Variants in SLIT1 observed in about 807,000 individuals in gnomAD.
SLIT1 encodes slit guidance ligand 1.
A neutral mutation model predicts 186.1 loss-of-function variants in SLIT1; 66 were observed. The ratio of observed to expected loss-of-function variants is 0.35; its 90% CI spans 0.29 to 0.44. The LOEUF (loss-of-function observed/expected upper bound fraction) is 0.44, where lower values mean the gene tolerates loss of function less well. SLIT1 is among the 20% of genes least tolerant of loss of function. The pLI is 1.00. For synonymous variants in SLIT1, 761 were observed against 833.8 expected (o/e 0.91, Z 1.50); for missense variants, 1,638 against 2,037.4 (o/e 0.80, Z 3.77).
intron 1 of SLIT1, among the ~76,000 whole-genome samples, chr10:97,180,123 G>T (rs1392207055): frequency 6.6e-6 from 1 of 152,212 alleles, no homozygotes; most frequent in African/African-American, 2.4e-5. Context: ...CCCTCCCCTT[G>T]TGCTCCAGGG....
chr10:97,066,967 G>A (rs376661698), intron 4 of SLIT1, among the ~76,000 whole-genome samples: 5 of 152,158 alleles, frequency 3.3e-5, no homozygotes, highest in Admixed American at 6.5e-5. Context: ...TGGTGGGTGC[G>A]CCTGGGGCTT....
rs1849797744 is a variant in SLIT1 at position 97,144,584 on chromosome 10, C to A, written c.413+13234G>T. The stretch of plus-strand genomic sequence containing the variant: ...CAAGATGCAAAGGGGAGCTCTGTCC[C>A]CCACAGAGAAGACAGGCAGTGGAAC... On this transcript the variant is annotated intron_variant, in intron 4 of 36. Coordinates refer to ENST00000266058, the MANE Select transcript of SLIT1 (RefSeq NM_003061.3). Among the ~76,000 whole-genome samples, 2 of 152,272 alleles carry A rather than the reference C, an allele frequency of 1.3e-5. 1 individual carries two copies. The highest frequency in any genetic ancestry group is 4.2e-4 in the South Asian group (2 of 4,818).
At chr10:97,100,268 G>C (rs1306319495) in intron 4 of SLIT1, among the ~76,000 whole-genome samples, 1 of 152,174 alleles carries the variant, frequency 6.6e-6, no homozygotes, top group African/African-American at 2.4e-5. Context: ...CCGCAGGGAA[G>C]GCACAGCAGG....
At chr10:97,158,024 G>A (rs1388549203) in intron 3 of SLIT1, 135 bp from the exon 4 acceptor site, 2 of 704,020 alleles carry the variant, frequency 2.8e-6, no homozygotes, top group African/African-American at 3.5e-5. Flanking sequence ...GGCATCCCAG[G>A]GAAATTACCT....
intron 4 of SLIT1, among the ~76,000 whole-genome samples, chr10:97,082,494 G>A (rs1017391749): frequency 9.9e-5 from 15 of 152,088 alleles, no homozygotes; most frequent in Non-Finnish European, 1.5e-4. Flanking sequence ...GAGTGCAGTG[G>A]CATGATCTCG....
In SLIT1 at chr10:97,006,005, A is replaced by G. The variant is rs1218596997; in HGVS notation, c.3579+478T>C. 6.6e-6 allele frequency among the ~76,000 whole-genome samples: 1 copy of G among 152,226 alleles called. No homozygotes were observed. The highest frequency in any genetic ancestry group is 1.5e-5 in the Non-Finnish European group (1 of 68,042). ...TTGATATATTTCATCAATGCTGCTGAAGTGGGAATTGCTTTATTTTCCCCT... is the reference window on the plus strand; with the variant it reads ...TTGATATATTTCATCAATGCTGCTGGAGTGGGAATTGCTTTATTTTCCCCT... On this transcript the variant is annotated intron_variant, in intron 32 of 36. Coordinates refer to ENST00000266058, the MANE Select transcript of SLIT1 (RefSeq NM_003061.3). This position sits in a 1 kb window ranked among gnomAD's most constrained non-coding sequence, Gnocchi z 4.0.
At chr10:97,057,334 A>T in intron 11 of SLIT1, 53 bp from the exon 12 acceptor site, 1 of 1,493,180 alleles carries the variant, frequency 6.7e-7, no homozygotes, top group Non-Finnish European at 9.3e-7. Flanking sequence ...CCAGGGCAAT[A>T]GCACAACTCT....
At chr10:97,141,676 C>CATTGCATTGTATT (rs1849760565) in intron 4 of SLIT1, among the ~76,000 whole-genome samples, 2 of 140,240 alleles carry the variant, frequency 1.4e-5, no homozygotes, top group African/African-American at 5.9e-5. Flanking sequence ...TGCATTGTAT[C>CATTGCATTGTATT]GTATTGTATC....
At chr10:97,137,655 G>T (rs1268151624) in intron 4 of SLIT1, among the ~76,000 whole-genome samples, 1 of 151,734 alleles carries the variant, frequency 6.6e-6, no homozygotes, top group East Asian at 1.9e-4. Flanking sequence ...CATAATCTCG[G>T]CTCACTGCAG....
At chr10:97,141,730 C>T (rs201293262) in intron 4 of SLIT1, among the ~76,000 whole-genome samples, 427 of 124,336 alleles carry the variant, frequency 3.4e-3, no homozygotes, top group Admixed American at 6.1e-3. Context: ...TTGTATTGTA[C>T]TGTATTGTAT....
At chr10:97,061,571 T>C (rs575851164) in intron 8 of SLIT1, among the ~76,000 whole-genome samples, 1 of 152,336 alleles carries the variant, frequency 6.6e-6, no homozygotes, top group East Asian at 1.9e-4. Context: ...GTGTCTGGCT[T>C]TTTTGCTTAA....
chr10:97,028,116 C>T (rs1848562049), intron 25 of SLIT1, among the ~76,000 whole-genome samples: 1 of 152,116 alleles, frequency 6.6e-6, no homozygotes, highest in South Asian at 2.1e-4. Context: ...CTTCAGAGTT[C>T]CTAAAGACAT....
chr10:97,141,766 TGTATC>T (rs1195498065), intron 4 of SLIT1, among the ~76,000 whole-genome samples: 47 of 148,518 alleles, frequency 3.2e-4, no homozygotes, highest in African/African-American at 9.6e-4. Context: ...CGTATCGTAT[TGTATC>T]GTACTGTATT....
intron 4 of SLIT1, among the ~76,000 whole-genome samples, chr10:97,140,063 G>A (rs988259481): frequency 6.6e-6 from 1 of 152,138 alleles, no homozygotes; most frequent in African/African-American, 2.4e-5. Flanking sequence ...CCCCAGCATG[G>A]CTTTTCCTCT....
chr10:97,179,290 C>T (rs116895499), intron 1 of SLIT1, among the ~76,000 whole-genome samples: 4 of 152,328 alleles, frequency 2.6e-5, no homozygotes, highest in East Asian at 3.9e-4. Context: ...TAACCATGGA[C>T]AGTTATCAAA....
At position 97,089,559 on chromosome 10, in the gene SLIT1, T is replaced by A. The variant is rs1849207509; in HGVS notation, c.414-23473A>T. The stretch of plus-strand genomic sequence containing the variant: ...TGCAGGTGACCTGCCCACGGGGATG[T>A]GTCCTGTGTGACTAATCCCAGGCAG... On this transcript the variant is annotated intron_variant, in intron 4 of 36. Coordinates refer to ENST00000266058, the MANE Select transcript of SLIT1 (RefSeq NM_003061.3). Among the ~76,000 whole-genome samples, 3 of 152,346 alleles carry A rather than the reference T, an allele frequency of 2.0e-5. 1 individual carries two copies. The South Asian group carries it at 6.2e-4, about 32-fold the overall frequency.
chr10:97,125,185 G>A (rs1259723617), intron 4 of SLIT1, among the ~76,000 whole-genome samples: 1 of 152,112 alleles, frequency 6.6e-6, no homozygotes, highest in African/African-American at 2.4e-5. Context: ...TCTTTTCTTT[G>A]ACTTACCACC....
intron 4 of SLIT1, among the ~76,000 whole-genome samples, chr10:97,067,383 C>T (rs1431296904): frequency 6.6e-6 from 1 of 152,198 alleles, no homozygotes; most frequent in Non-Finnish European, 1.5e-5. Context: ...TGTGCAAACG[C>T]CCCTTTCCAG....
In SLIT1 at chr10:97,043,200, AGAGGACCGGCTCT is replaced by A. The variant is rs1409821544; in HGVS notation, c.1998-146_1998-134del. On this transcript the variant is annotated intron_variant, in intron 19 of 36. Transcript: ENST00000266058. The surrounding 1 kb of genome is among the most constrained non-coding windows in gnomAD (Gnocchi z 7.0). Reference sequence around the variant, plus strand: ...TCTCCCAGACCACCACCCATCACCAAGAGGACCGGCTCTGAGGACCGGAGGGAGACTTCGAAAT... The same window carrying A: ...TCTCCCAGACCACCACCCATCACCAAGAGGACCGGAGGGAGACTTCGAAAT... 2 of 1,320,386 alleles carry A rather than the reference AGAGGACCGGCTCT, an allele frequency of 1.5e-6. No homozygotes were observed. Among genetic ancestry groups the A allele is most frequent in the Non-Finnish European group, 2.1e-6 (2 of 946,258 alleles). 81.8% of individuals were successfully genotyped at this position (1,320,386 alleles called of 1,614,324 possible).
Sources: allele counts gnomAD v4.1 joint callset (sites outside exome capture counted in the v4.1 genomes callset), GRCh38; gene constraint gnomAD v4.1.1; non-coding constraint Gnocchi (gnomAD v3.1); transcripts MANE v1.5; gene names NCBI Gene and HGNC (gene_info 2026-07-23, HGNC 2026-07-21).